Variants in PPP1R12C observed in about 807,000 individuals in gnomAD.
The protein encoded by PPP1R12C is leukocyte receptor cluster (LRC) encoded novel gene 3.
PPP1R12C carries 48 observed loss-of-function variants against 95.6 expected under a neutral mutation model. The ratio of observed to expected loss-of-function variants is 0.50; its 90% confidence interval spans 0.40 to 0.64. The LOEUF is 0.64. Ranked by LOEUF, PPP1R12C falls within the 30% of genes least tolerant of loss-of-function variation. The pLI, the probability that PPP1R12C is intolerant of heterozygous loss-of-function variation, is 0.00. For synonymous variants in PPP1R12C, 480 were observed against 460.8 expected (o/e 1.04, Z -0.53); for missense variants, 1,057 against 1,083.3 (o/e 0.98, Z 0.34).
At chr19:55,105,962 T>C (rs1317568672) in intron 3 of PPP1R12C, among the ~76,000 whole-genome samples, 1 of 151,496 alleles carries the variant, frequency 6.6e-6, no homozygotes, top group Non-Finnish European at 1.5e-5. Flanking sequence ...AAAAAGTCAC[T>C]TCTCAGACCT....
chr19:55,092,419 C>G (rs767713323), intron 18 of PPP1R12C, 23 bp downstream of exon 18: 1 of 1,588,724 alleles, frequency 6.3e-7, no homozygotes, highest in South Asian at 1.1e-5. Flanking sequence ...AGGCAAAGCC[C>G]CGACGGAGGG....
chr19:55,105,722 G>T (rs997241352), intron 3 of PPP1R12C, among the ~76,000 whole-genome samples: 1 of 152,172 alleles, frequency 6.6e-6, no homozygotes, highest in African/African-American at 2.4e-5. Context: ...CAAGATGGGA[G>T]ATCACTTGAG....
chr19:55,116,765 G>GC (rs2085158325), intron 1 of PPP1R12C, among the ~76,000 whole-genome samples: 2 of 152,050 alleles, frequency 1.3e-5, no homozygotes. Flanking sequence ...ACCAGACTGA[G>GC]CTATGGGAGC....
At chr19:55,099,343 C>T (rs1452479748) in intron 4 of PPP1R12C, among the ~76,000 whole-genome samples, 1 of 152,194 alleles carries the variant, frequency 6.6e-6, no homozygotes, top group Non-Finnish European at 1.5e-5. Context: ...GGAACCTGCT[C>T]CTGGTGCTGG....
In PPP1R12C at chr19:55,117,616, GCCCCGGGGGCCGCCGGGAA is replaced by G. The variant is rs1555852647; in HGVS notation, c.-92_-74del. On this transcript the variant is annotated 5_prime_UTR_variant, in exon 1 of 22. Coordinates refer to ENST00000263433, the MANE Select transcript of PPP1R12C (RefSeq NM_017607.4). ...GCCGCCACCACCCGCCCGCCCGCCC[GCCCCGGGGGCCGCCGGGAA>G]CTGCCGCTGGCCCCCCACCGCCCCA... is the stretch of plus-strand genomic sequence containing the variant. 2.8e-5 allele frequency: 21 copies of G among 752,790 alleles called. No individual in the cohort carries two copies. Among genetic ancestry groups the G allele is most frequent in the Non-Finnish European group, 3.1e-5 (21 of 681,476 alleles). 46.6% of individuals were successfully genotyped at this position (752,790 alleles called of 1,614,324 possible). A position where few individuals can be genotyped will look rare whatever the true frequency, so the allele number is the denominator to read the frequency against.
Position 55,103,522 on chromosome 19 carries a change from A to C in PPP1R12C, c.618T>G (p.Leu206=). 6.2e-7 allele frequency: 1 copy of C among 1,601,932 alleles called. No individual in the cohort carries two copies. Among genetic ancestry groups the C allele is most frequent in the Non-Finnish European group, 8.5e-7 (1 of 1,171,592 alleles). The part of the protein sequence containing the change: ...AAKRAEEELL[L]HDTRCWLNGG... ...CATTCAGCCAGCACCTCGTGTCATG[A>C]AGGAGCAATTCCTCTTCTGCCCGCT... Residue 206 remains leucine (L), a synonymous_variant, in exon 4 of 22, where the codon CTT becomes CTG. Transcript: ENST00000263433.
intron 9 of PPP1R12C, 65 bp from the exon 10 acceptor site, chr19:55,095,668 C>G: frequency 6.6e-7 from 1 of 1,505,200 alleles, no homozygotes; most frequent in South Asian, 1.3e-5. Flanking sequence ...CAAGGGTTAG[C>G]CCCCAAAGGA....
chr19:55,113,484 T>C, intron 1 of PPP1R12C: 1 of 1,459,982 alleles, frequency 6.8e-7, no homozygotes, highest in South Asian at 1.3e-5. Flanking sequence ...GGGCCACCGT[T>C]TCTCATTCTT....
Position 55,091,382 on chromosome 19 carries a change from C to A in PPP1R12C, c.*90G>T. The A allele has an allele frequency of 7.6e-7, 1 of 1,323,972 alleles. No homozygotes were observed. The highest frequency in any genetic ancestry group is 1.1e-6 in the Non-Finnish European group (1 of 950,394). 82.0% of individuals were successfully genotyped at this position (1,323,972 alleles called of 1,614,324 possible). On this transcript the variant is annotated 3_prime_UTR_variant, in exon 22 of 22. Transcript: ENST00000263433. ...GCTATGGCTTCTCTGAGACTTCCCCCGGAGCCCTGTCACTCGTGTTCACAC... is the reference window on the plus strand; with the variant it reads ...GCTATGGCTTCTCTGAGACTTCCCCAGGAGCCCTGTCACTCGTGTTCACAC...
chr19:55,117,593 C>A lies in PPP1R12C; in HGVS notation c.-50G>T. 1 of 965,968 alleles carries A rather than the reference C, an allele frequency of 1.0e-6. No individual in the cohort carries two copies. Among genetic ancestry groups the A allele is most frequent in the Non-Finnish European group, 1.2e-6 (1 of 812,974 alleles). The allele number at this position is 965,968 out of a possible 1,614,324, so 59.8% of individuals were successfully genotyped here. On this transcript the variant is annotated 5_prime_UTR_variant, in exon 1 of 22. Transcript: ENST00000263433. ...CGAGCGAGCGCCGAGCCCCAACCGC[C>A]GCCACCACCCGCCCGCCCGCCCGCC...
At position 55,095,337 on chromosome 19, in the gene PPP1R12C, T is replaced by C. The variant is rs773591801; in HGVS notation, c.1408A>G (p.Arg470Gly). Residue 470 changes from arginine to glycine, a missense_variant, in exon 11 of 22, where the codon AGA becomes GGA. Around this residue, in one of 5 missense-constraint regions of PPP1R12C, gnomAD observed 356 missense variants for 330.5 expected, o/e 1.08. Coordinates refer to ENST00000263433, the MANE Select transcript of PPP1R12C (RefSeq NM_017607.4). ...STQAKELRLARITPTPSPKLP... is the reference protein window; with the variant it reads ...STQAKELRLAGITPTPSPKLP... ...TTCGGGGAGGGGGTCGGGGTAATTC[T>C]GGCAAGACGGAGCTCCTTGGCCTGT... The C allele has an allele frequency of 8.2e-6, 13 of 1,592,764 alleles. No individual in the cohort carries two copies. The highest frequency in any genetic ancestry group is 1.8e-5 in the Admixed American group (1 of 57,108).
intron 6 of PPP1R12C, 101 bp downstream of exon 6, chr19:55,098,683 G>C (rs8103713): frequency 0.045 from 63,634 of 1,417,298 alleles, 5,111 homozygotes; most frequent in African/African-American, 0.33. Flanking sequence ...CGCTGGGGTG[G>C]TGGGTGTCAG....
chr19:55,092,046 C>T (rs2084848437), intron 19 of PPP1R12C, 137 bp from the exon 20 acceptor site: 8 of 1,223,032 alleles, frequency 6.5e-6, no homozygotes, highest in Middle Eastern at 2.0e-4. Flanking sequence ...GCCCCGCCAC[C>T]GGCAGGCCCA....
In PPP1R12C at chr19:55,092,562, C is replaced by G. The variant is rs371958881; in HGVS notation, c.1953-18G>C. ...CCAGGGTGCTGGGGCAGGGGAGGAGCGCGCGTCAGGGGCCGGCCCGGCCCG... is the reference window on the plus strand; with the variant it reads ...CCAGGGTGCTGGGGCAGGGGAGGAGGGCGCGTCAGGGGCCGGCCCGGCCCG... On this transcript the variant is annotated intron_variant, in intron 17 of 21. Transcript: ENST00000263433. The G allele has an allele frequency of 2.9e-5, 46 of 1,585,728 alleles. No individual in the cohort carries two copies. Among genetic ancestry groups the G allele is most frequent in the Middle Eastern group, 1.8e-4 (1 of 5,564 alleles).
chr19:55,099,165 C>A (rs554364848), intron 4 of PPP1R12C, 70 bp from the exon 5 acceptor site: 20 of 1,436,608 alleles, frequency 1.4e-5, no homozygotes, highest in Non-Finnish European at 1.7e-5. Flanking sequence ...TTTCGGCCAG[C>A]GGTTTGGTAA....
intron 4 of PPP1R12C, among the ~76,000 whole-genome samples, chr19:55,102,563 T>G (rs1307436182): frequency 6.6e-6 from 1 of 152,148 alleles, no homozygotes; most frequent in Admixed American, 6.6e-5. Context: ...AGTCTTAAAA[T>G]ATATACAAAT....
intron 20 of PPP1R12C, 23 bp downstream of exon 20, chr19:55,091,836 C>T (rs2084845239): frequency 8.1e-6 from 13 of 1,613,338 alleles, no homozygotes; most frequent in Non-Finnish European, 1.1e-5. Flanking sequence ...CCTCTGGCCC[C>T]CATCCCCACT....
In PPP1R12C at chr19:55,092,662, CCT is replaced by C. The variant is rs1397416760; in HGVS notation, c.1912-2_1912-1del. The C allele has an allele frequency of 6.5e-7, 1 of 1,532,336 alleles. No homozygotes were observed. The highest frequency in any genetic ancestry group is 8.8e-7 in the Non-Finnish European group (1 of 1,141,812). The allele number at this position is 1,532,336 out of a possible 1,614,324, so 94.9% of individuals were successfully genotyped here. The stretch of plus-strand genomic sequence containing the variant: ...CGGTCAGCCGGCTCCGCCTCCTCCC[CCT>C]GTGGGCAGGTAGACGGGGGTTCAAT... On this transcript the variant is annotated splice_acceptor_variant, in intron 16 of 21. Transcript: ENST00000263433. LOFTEE classifies it high-confidence loss of function.
chr19:55,106,454 C>T (rs2085039683), intron 3 of PPP1R12C, among the ~76,000 whole-genome samples: 1 of 152,232 alleles, frequency 6.6e-6, no homozygotes, highest in Non-Finnish European at 1.5e-5. Flanking sequence ...AGGCAGAAAT[C>T]AGCTCCCGTG....
Sources: gnomAD v4.1 joint callset for allele counts (sites outside exome capture counted in the v4.1 genomes callset) on GRCh38, gnomAD v4.1.1 for gene constraint, gnomAD v4.1.1 regional missense constraint, MANE v1.5 for transcripts, NCBI Gene and HGNC (gene_info 2026-07-23, HGNC 2026-07-21) for gene names.